PARD3B: variants seen among roughly 807,000 people sequenced by gnomAD.
PARD3B encodes the protein par-3 family cell polarity regulator beta.
Under a neutral mutation model 130.2 loss-of-function variants are expected in PARD3B, and 103 were observed. That is an observed-to-expected ratio of 0.79 (90% confidence interval 0.67 to 0.93). The LOEUF (loss-of-function observed/expected upper bound fraction) is 0.93, where lower values mean the gene tolerates loss of function less well. Ranked by LOEUF, PARD3B falls within the 40% of genes least tolerant of loss-of-function variation. The pLI is 0.00. For synonymous variants in PARD3B, 583 were observed against 553.2 expected (o/e 1.05, Z -0.76); for missense variants, 1,609 against 1,499.2 (o/e 1.07, Z -1.21).
At chr2:204,598,764 T>C (rs1347154520) in intron 1 of PARD3B, among the ~76,000 whole-genome samples, 2 of 152,050 alleles carry the variant, frequency 1.3e-5, no homozygotes, top group Non-Finnish European at 2.9e-5. Flanking sequence ...ATTCTCCCTG[T>C]TTTTTACGTA....
chr2:205,014,875 G>T (rs1696004403), intron 3 of PARD3B, among the ~76,000 whole-genome samples: 1 of 152,162 alleles, frequency 6.6e-6, no homozygotes, highest in Non-Finnish European at 1.5e-5. Flanking sequence ...TAAGGCAGAA[G>T]GAATGTAACT....
At chr2:205,394,526 A>G (rs2045960187) in intron 18 of PARD3B, among the ~76,000 whole-genome samples, 1 of 152,062 alleles carries the variant, frequency 6.6e-6, no homozygotes, top group Admixed American at 6.6e-5. Context: ...AAGAACTTTC[A>G]TCTCCTATGC....
chr2:205,391,496 T>A (rs1431679015), intron 18 of PARD3B, among the ~76,000 whole-genome samples: 2 of 152,212 alleles, frequency 1.3e-5, no homozygotes, highest in Non-Finnish European at 2.9e-5. Flanking sequence ...AAAGCTTTTT[T>A]AACTATTAAG....
chr2:205,227,040 C>T (rs1368335436), intron 15 of PARD3B, among the ~76,000 whole-genome samples: 1 of 150,978 alleles, frequency 6.6e-6, no homozygotes, highest in African/African-American at 2.4e-5. Flanking sequence ...AGAGAATATA[C>T]TCGATATAAT....
At chr2:204,611,627 A>G (rs946520273) in intron 1 of PARD3B, among the ~76,000 whole-genome samples, 1 of 152,208 alleles carries the variant, frequency 6.6e-6, no homozygotes, top group Non-Finnish European at 1.5e-5. Flanking sequence ...CAGTAAGATT[A>G]TAATATGTAA....
At chr2:204,592,759 C>G (rs1015430532) in intron 1 of PARD3B, among the ~76,000 whole-genome samples, 11 of 152,184 alleles carry the variant, frequency 7.2e-5, no homozygotes, top group African/African-American at 2.7e-4. Context: ...AAACCCCACT[C>G]TTCTTACCAG....
intron 19 of PARD3B, among the ~76,000 whole-genome samples, chr2:205,410,422 T>C (rs541674639): frequency 6.6e-6 from 1 of 152,312 alleles, no homozygotes; most frequent in Admixed American, 6.5e-5. Flanking sequence ...ATTATTCATT[T>C]TCGTGGCATT....
intron 21 of PARD3B, among the ~76,000 whole-genome samples, chr2:205,515,064 C>G (rs1199623192): frequency 1.3e-5 from 2 of 152,032 alleles, no homozygotes; most frequent in Admixed American, 6.6e-5. Flanking sequence ...TCATTTAGCT[C>G]CCACTTTTAA....
intron 11 of PARD3B, 152 bp from the exon 12 acceptor site, chr2:205,172,059 C>G (rs747121635): frequency 2.9e-6 from 2 of 695,684 alleles, no homozygotes; most frequent in Non-Finnish European, 4.6e-6. Flanking sequence ...AGCTCCAGAG[C>G]CTTTTTCTGC....
At chr2:205,519,720 T>G (rs1346733232) in intron 21 of PARD3B, among the ~76,000 whole-genome samples, 6 of 152,232 alleles carry the variant, frequency 3.9e-5, no homozygotes, top group Non-Finnish European at 4.4e-5. Context: ...GTGTTCCATT[T>G]ACTGCAGTGT....
chr2:205,151,826 C>A (rs1401232477), intron 10 of PARD3B, among the ~76,000 whole-genome samples: 1 of 152,000 alleles, frequency 6.6e-6, no homozygotes, highest in African/African-American at 2.4e-5. Context: ...GATATTTTGC[C>A]CATTAGTTGA....
chr2:205,554,519 TTTTA>T (rs1333183294), intron 22 of PARD3B, among the ~76,000 whole-genome samples: 10 of 152,198 alleles, frequency 6.6e-5, no homozygotes, highest in African/African-American at 1.9e-4. Flanking sequence ...TAAAGTTATA[TTTTA>T]TTTATCTTCC....
chr2:205,175,591 T>G lies in PARD3B; in HGVS notation c.1792-854T>G, dbSNP rs202081118. On this transcript the variant is annotated intron_variant, in intron 12 of 22. Coordinates refer to ENST00000406610, the MANE Select transcript of PARD3B (RefSeq NM_001302769.2). Reference sequence around the variant, plus strand: ...CTGGGAATCAGATGGGTGCTGCTGTTTGTGGTACATTCTTCTCACAAATGG... The same window carrying G: ...CTGGGAATCAGATGGGTGCTGCTGTGTGTGGTACATTCTTCTCACAAATGG... Among the ~76,000 whole-genome samples, 14 of 152,340 alleles carry G rather than the reference T, an allele frequency of 9.2e-5. No individual in the cohort carries two copies. The East Asian group carries it at 2.7e-3, about 29-fold the overall frequency.
At chr2:205,327,366 A>T (rs16837202) in intron 18 of PARD3B, among the ~76,000 whole-genome samples, 4,654 of 152,304 alleles carry the variant, frequency 0.031, 202 homozygotes, top group African/African-American at 0.1. Flanking sequence ...TTGGTACATT[A>T]TAGAGGTAGG....
chr2:205,615,055 A>C (rs1217046060), intron 22 of PARD3B, among the ~76,000 whole-genome samples: 1 of 152,230 alleles, frequency 6.6e-6, no homozygotes, highest in Non-Finnish European at 1.5e-5. Context: ...TGTTTAGGAA[A>C]CTAGTTTGGT....
At position 205,021,630 on chromosome 2, in the gene PARD3B, TTC is replaced by T. The variant is rs751947350; in HGVS notation, c.395-25931_395-25930del. Among the ~76,000 whole-genome samples the T allele has an allele frequency of 5.8e-3, 825 of 142,462 alleles. 3 individuals carry two copies. Among genetic ancestry groups the T allele is most frequent in the Middle Eastern group, 0.018 (5 of 278 alleles). 93.5% of individuals were successfully genotyped at this position (142,462 alleles called of 152,430 possible). On this transcript the variant is annotated intron_variant, in intron 3 of 22. Coordinates refer to ENST00000406610, the MANE Select transcript of PARD3B (RefSeq NM_001302769.2). This position sits in a 1 kb window ranked among gnomAD's most constrained non-coding sequence, Gnocchi z 4.5. Reference sequence around the variant, plus strand: ...TCTCTCTCTCTCTCTCCCTCTCTCTTTCTCTCTCTCTCTCTCTCTCTATATAT... The same window carrying T: ...TCTCTCTCTCTCTCTCCCTCTCTCTTTCTCTCTCTCTCTCTCTCTATATAT...
Position 205,575,321 on chromosome 2 carries a change from A to G in PARD3B, c.3260+21918A>G, listed in dbSNP as rs76274452. On this transcript the variant is annotated intron_variant, in intron 22 of 22. Transcript: ENST00000406610. The surrounding 1 kb of genome is among the most constrained non-coding windows in gnomAD (Gnocchi z 4.6). ...ACATGCGTAACTTCCCTCATTACCA[A>G]CATTCCCAACTGCAGTGGTAAAACT... Among the ~76,000 whole-genome samples, 1,847 of 151,936 alleles carry G rather than the reference A, an allele frequency of 0.012. 52 individuals carry two copies. Among genetic ancestry groups the G allele is most frequent in the African/African-American group, 0.041 (1,707 of 41,416 alleles).
Position 205,230,358 on chromosome 2 carries a change from A to G in PARD3B, c.2141-15420A>G, listed in dbSNP as rs917668825. On this transcript the variant is annotated intron_variant, in intron 15 of 22. Transcript: ENST00000406610. This position sits in a 1 kb window ranked among gnomAD's most constrained non-coding sequence, Gnocchi z 4.1. ...CTTTAGTCAGCAAGTGATGAATCCT[A>G]CCAGGTCTGGGTTCTCCCCTTCAAA... Among the ~76,000 whole-genome samples, 19 of 152,050 alleles carry G rather than the reference A, an allele frequency of 1.2e-4. No individual in the cohort carries two copies. The highest frequency in any genetic ancestry group is 4.6e-4 in the African/African-American group (19 of 41,402).
intron 2 of PARD3B, among the ~76,000 whole-genome samples, chr2:204,905,679 G>A (rs948211044): frequency 1.4e-4 from 22 of 152,158 alleles, no homozygotes; most frequent in African/African-American, 4.6e-4. Context: ...CCAAGTGGGT[G>A]GGCACAGTGG....
Sources: allele counts gnomAD v4.1 joint callset (sites outside exome capture counted in the v4.1 genomes callset), GRCh38; gene constraint gnomAD v4.1.1; non-coding constraint Gnocchi (gnomAD v3.1); transcripts MANE v1.5; gene names NCBI Gene and HGNC (gene_info 2026-07-23, HGNC 2026-07-21).